Variants in MAD1L1 observed in about 807,000 individuals in gnomAD.
The protein encoded by MAD1L1 is mitotic spindle assembly checkpoint protein MAD1.
Under a neutral mutation model 96.9 loss-of-function variants are expected in MAD1L1, and 95 were observed. The observed-to-expected ratio is 0.98, with a 90% CI of 0.83 to 1.16. MAD1L1 has a LOEUF of 1.16. Ranked by LOEUF, MAD1L1 falls within the 50% of genes most tolerant of loss-of-function variation. MAD1L1 has a pLI of 0.00. For synonymous variants in MAD1L1, 473 were observed against 396.6 expected, an observed-to-expected ratio of 1.19 and a Z score of -2.29; for missense variants, 1,007 against 954.4, an observed-to-expected ratio of 1.06 and a Z score of -0.73.
intron 11 of MAD1L1, among the ~76,000 whole-genome samples, chr7:2,104,372 C>G (rs1027590617): frequency 2.0e-5 from 3 of 152,240 alleles, no homozygotes; most frequent in Non-Finnish European, 4.4e-5. Flanking sequence ...GCCGTCACGG[C>G]GGCGCAATAG....
intron 10 of MAD1L1, among the ~76,000 whole-genome samples, chr7:2,186,955 G>A (rs1241902725): frequency 3.3e-5 from 5 of 151,680 alleles, no homozygotes; most frequent in Admixed American, 6.6e-5. Flanking sequence ...CACCACGCCC[G>A]GCGAATTTTT....
chr7:2,093,057 G>T (rs1367961422), intron 11 of MAD1L1, among the ~76,000 whole-genome samples: 4 of 151,188 alleles, frequency 2.6e-5, no homozygotes, highest in Admixed American at 2.0e-4. Context: ...CCAATATGGT[G>T]AAACCCCGTC....
intron 18 of MAD1L1, among the ~76,000 whole-genome samples, chr7:1,825,235 T>G (rs1334798064): frequency 2.0e-5 from 3 of 152,182 alleles, no homozygotes; most frequent in African/African-American, 7.2e-5. Flanking sequence ...CCTGCAACCC[T>G]CGGGCGTCTT....
In MAD1L1 at chr7:1,858,398, T is replaced by A. The variant is rs1157182464; in HGVS notation, c.1998+39802A>T. On this transcript the variant is annotated intron_variant, in intron 18 of 18. Transcript: ENST00000265854. ...TGCCTTGGCTCAGCCTCCACCTGGC[T>A]TGGAGATCTCTGAAATCCTTGGTTT... 2.6e-5 allele frequency among the ~76,000 whole-genome samples: 4 copies of A among 152,366 alleles called. No individual in the cohort carries two copies. In the East Asian group the frequency reaches 7.7e-4, roughly 29 times the overall value.
At chr7:1,917,975 C>A (rs1040643231) in intron 17 of MAD1L1, among the ~76,000 whole-genome samples, 2 of 152,176 alleles carry the variant, frequency 1.3e-5, no homozygotes, top group East Asian at 3.9e-4. Flanking sequence ...CAGAGCCCAG[C>A]AGACTAGATG....
chr7:1,971,134 G>A (rs1269131519), intron 15 of MAD1L1, among the ~76,000 whole-genome samples: 3 of 151,942 alleles, frequency 2.0e-5, no homozygotes, highest in African/African-American at 4.8e-5. Flanking sequence ...TCTCAGGCCC[G>A]CAGTTAGAAC....
chr7:1,978,119 G>C (rs937333327), intron 15 of MAD1L1, among the ~76,000 whole-genome samples: 15 of 152,244 alleles, frequency 9.9e-5, no homozygotes, highest in Non-Finnish European at 1.9e-4. Context: ...TGATGACAAG[G>C]TGTGGCCTCT....
At chr7:2,032,980 C>A (rs550989382) in intron 12 of MAD1L1, among the ~76,000 whole-genome samples, 2 of 152,256 alleles carry the variant, frequency 1.3e-5, no homozygotes, top group Non-Finnish European at 2.9e-5. Flanking sequence ...TGAGAAGATG[C>A]CCCCAGCCCA....
intron 10 of MAD1L1, among the ~76,000 whole-genome samples, chr7:2,191,432 T>A (rs1276339450): frequency 1.3e-5 from 2 of 152,214 alleles, no homozygotes; most frequent in South Asian, 4.1e-4. Context: ...ACTTTTTTAA[T>A]AATACAAATG....
intron 11 of MAD1L1, among the ~76,000 whole-genome samples, chr7:2,136,995 G>A (rs528731602): frequency 2.6e-5 from 4 of 152,298 alleles, no homozygotes; most frequent in Middle Eastern, 3.4e-3. Flanking sequence ...TGGCAGTGCC[G>A]GGCATGAGAG....
chr7:2,081,648 G>C (rs1024053289), intron 11 of MAD1L1, among the ~76,000 whole-genome samples: 12 of 152,208 alleles, frequency 7.9e-5, no homozygotes, highest in African/African-American at 2.9e-4. Flanking sequence ...TCTCTCTTCC[G>C]GGCTCTGTCC....
intron 12 of MAD1L1, among the ~76,000 whole-genome samples, chr7:2,046,705 C>G (rs372736424): frequency 9.2e-5 from 14 of 152,296 alleles, no homozygotes; most frequent in African/African-American, 3.4e-4. Flanking sequence ...GAGCGCTGCC[C>G]GCCTGTGCCC....
intron 18 of MAD1L1, among the ~76,000 whole-genome samples, chr7:1,867,941 T>G (rs1003553357): frequency 6.6e-6 from 1 of 152,244 alleles, no homozygotes; most frequent in East Asian, 1.9e-4. Flanking sequence ...TTCTCCCGTC[T>G]TCCCTAATAC....
chr7:1,936,687 C>G lies in MAD1L1; in HGVS notation c.1807G>C (p.Glu603Gln). ...GGGACCGGGGGTGGGGGGTGCCTAC[C>G]TGCCACCTCCTTGGACGATGGCAGA... ...ASLPSSKEVA[E>Q]LKKQVESAEL... is the part of the protein sequence containing the mutation. Residue 603 changes from glutamate (E) to glutamine (Q), a missense_variant and splice_region_variant, in exon 17 of 19, where the codon GAG (glutamate) becomes CAG (glutamine). Transcript: ENST00000265854. The G allele has an allele frequency of 6.5e-7, 1 of 1,549,600 alleles. No individual in the cohort carries two copies. Among genetic ancestry groups the G allele is most frequent in the Non-Finnish European group, 8.7e-7 (1 of 1,148,034 alleles).
At chr7:2,127,787 A>T (rs1788304193) in intron 11 of MAD1L1, among the ~76,000 whole-genome samples, 1 of 152,148 alleles carries the variant, frequency 6.6e-6, no homozygotes, top group African/African-American at 2.4e-5. Context: ...TGTGGGCGTC[A>T]GGGGAGCAGA....
chr7:2,106,005 C>CCCTGCCCCACACATGGCCCTGCG (rs1787074294), intron 11 of MAD1L1, among the ~76,000 whole-genome samples: 1 of 115,816 alleles, frequency 8.6e-6, no homozygotes, highest in Non-Finnish European at 1.8e-5. Flanking sequence ...ATGGCCCCGC[C>CCCTGCCCCACACATGGCCCTGCG]CCTGCCCCAC....
chr7:2,033,784 T>C (rs1360749413), intron 12 of MAD1L1, among the ~76,000 whole-genome samples: 1 of 152,214 alleles, frequency 6.6e-6, no homozygotes, highest in Non-Finnish European at 1.5e-5. Flanking sequence ...CCTGAAGGTG[T>C]TCACACCCTT....
At chr7:1,914,042 A>G (rs1189092272) in intron 17 of MAD1L1, among the ~76,000 whole-genome samples, 1 of 151,788 alleles carries the variant, frequency 6.6e-6, no homozygotes, top group African/African-American at 2.4e-5. Flanking sequence ...ACGCCTGTCC[A>G]CCTCTCCTCT....
At chr7:1,907,719 C>T (rs374465112) in intron 17 of MAD1L1, among the ~76,000 whole-genome samples, 1 of 152,228 alleles carries the variant, frequency 6.6e-6, no homozygotes, top group East Asian at 1.9e-4. Flanking sequence ...ACAGTGGAGG[C>T]GAAAACCCTC....
Sources: gnomAD v4.1 joint callset for allele counts (sites outside exome capture counted in the v4.1 genomes callset) on GRCh38, gnomAD v4.1.1 for gene constraint, MANE v1.5 for transcripts, NCBI Gene and HGNC (gene_info 2026-07-23, HGNC 2026-07-21) for gene names.